Variants in DPH6 observed in about 807,000 individuals in gnomAD.
DPH6 encodes diphthine--ammonia ligase.
In DPH6, 33 loss-of-function variants were observed where a neutral mutation model predicts 38.2. That is an observed-to-expected ratio of 0.86 (90% CI 0.65 to 1.15). The LOEUF is 1.15. Ranked by LOEUF, DPH6 falls within the 50% of genes most tolerant of loss-of-function variation. The pLI is 0.00. For synonymous variants in DPH6, 108 were observed against 103.0 expected (o/e 1.05, Z -0.30); for missense variants, 325 against 320.0 (o/e 1.02, Z -0.12).
At chr15:35,280,806 A>G (rs2051893749) in intron 3 of DPH6, among the ~76,000 whole-genome samples, 1 of 152,212 alleles carries the variant, frequency 6.6e-6, no homozygotes, top group African/African-American at 2.4e-5. Flanking sequence ...TTCTCATAAC[A>G]AAGAATCAGT....
chr15:35,218,534 A>G (rs989010214), exon 4 of DPH6: 1 of 152,208 alleles, frequency 6.6e-6, no homozygotes, highest in Non-Finnish European at 1.5e-5. Context: ...GAACCTAATC[A>G]ATTAATACTC....
chr15:35,463,005 C>T (rs1041078024), intron 3 of DPH6, among the ~76,000 whole-genome samples: 2 of 152,008 alleles, frequency 1.3e-5, no homozygotes, highest in Admixed American at 1.3e-4. Flanking sequence ...TGAATTAACA[C>T]ACCAGTAGTA....
chr15:35,203,697 T>G, the DPH6 span, among the ~76,000 whole-genome samples: 2 of 151,738 alleles, frequency 1.3e-5, no homozygotes, highest in African/African-American at 4.8e-5. Context: ...GCTATTAAAT[T>G]TATGATTAAA....
chr15:35,339,086 G>T (rs899837158), intron 3 of DPH6, among the ~76,000 whole-genome samples: 7 of 151,816 alleles, frequency 4.6e-5, no homozygotes, highest in African/African-American at 1.7e-4. Flanking sequence ...TAATGTAAAT[G>T]ACGAGTTAAT....
chr15:35,365,330 T>A (rs1283121612), intron 3 of DPH6, among the ~76,000 whole-genome samples: 1 of 152,134 alleles, frequency 6.6e-6, no homozygotes, highest in African/African-American at 2.4e-5. Context: ...AAAGCAATAT[T>A]TTTTAACTGT....
intron 3 of DPH6, among the ~76,000 whole-genome samples, chr15:35,350,996 T>A (rs2052505816): frequency 6.6e-6 from 1 of 152,190 alleles, no homozygotes; most frequent in South Asian, 2.1e-4. Flanking sequence ...CTCTGGCTGA[T>A]CTATACGTTA....
intron 3 of DPH6, among the ~76,000 whole-genome samples, chr15:35,523,432 C>T (rs1476681657): frequency 6.6e-6 from 1 of 151,726 alleles, no homozygotes; most frequent in Non-Finnish European, 1.5e-5. Flanking sequence ...ACTGTATGAA[C>T]ATTAAAAGAT....
At chr15:35,151,905 C>T in the DPH6 span, among the ~76,000 whole-genome samples, 2 of 152,176 alleles carry the variant, frequency 1.3e-5, no homozygotes, top group Non-Finnish European at 2.9e-5. Context: ...GTGTGGTGCT[C>T]GGAAGTGCTC....
intron 3 of DPH6, among the ~76,000 whole-genome samples, chr15:35,227,488 T>A (rs915193690): frequency 2.6e-5 from 4 of 151,986 alleles, no homozygotes; most frequent in Non-Finnish European, 5.9e-5. Context: ...TGGCCTAACA[T>A]CTTCTTTTTC....
chr15:35,496,567 A>AAAAATATATATATATATATAT, intron 3 of DPH6, among the ~76,000 whole-genome samples: 8 of 31,010 alleles, frequency 2.6e-4, no homozygotes, highest in Non-Finnish European at 3.7e-4. Flanking sequence ...AAAAAAAAAA[A>AAAAATATATATATATATATAT]ATATATATAT....
the DPH6 span, among the ~76,000 whole-genome samples, chr15:35,200,940 AAAAAG>A: frequency 6.6e-6 from 1 of 150,598 alleles, no homozygotes; most frequent in East Asian, 1.9e-4. Flanking sequence ...AAAATATATA[AAAAAG>A]AAAACTAAAA....
intron 3 of DPH6, among the ~76,000 whole-genome samples, chr15:35,361,441 G>C (rs60135434): frequency 0.022 from 3,332 of 151,728 alleles, 51 homozygotes; most frequent in African/African-American, 0.043. Context: ...TTAGTCCTTT[G>C]ATCTTGAATT....
the DPH6 span, among the ~76,000 whole-genome samples, chr15:35,172,909 C>G: frequency 5.3e-5 from 8 of 152,328 alleles, no homozygotes; most frequent in East Asian, 1.5e-3. Flanking sequence ...CCTGCCTCAG[C>G]CTTCCGAGTA....
Position 35,285,075 on chromosome 15 carries a change from G to A in DPH6, n.201-64493C>T, listed in dbSNP as rs939827406. Among the ~76,000 whole-genome samples, 5 of 151,928 alleles carry A rather than the reference G, an allele frequency of 3.3e-5. No individual in the cohort carries two copies. The East Asian group carries it at 7.7e-4, about 23-fold the overall frequency. ...TCCTCCCACTTTCATCCCTCAAACT[G>A]TTAGGATTACAGGTGTGAGCCACCA... is the stretch of plus-strand genomic sequence containing the variant. On this transcript the variant is annotated intron_variant and non_coding_transcript_variant, in intron 3 of 3. Coordinates refer to the DPH6 transcript ENST00000560386.
rs1345683808 is a variant in DPH6 at position 35,243,039 on chromosome 15, C to T, written n.201-22457G>A. ...TGCTGGCAGGACTATGCTGAACCTCCGTAGGCACTCTCTAATTAGATGTCC... is the reference window on the plus strand; with the variant it reads ...TGCTGGCAGGACTATGCTGAACCTCTGTAGGCACTCTCTAATTAGATGTCC... On this transcript the variant is annotated intron_variant and non_coding_transcript_variant, in intron 3 of 3. Coordinates refer to the DPH6 transcript ENST00000560386. Among the ~76,000 whole-genome samples, 6 of 142,586 alleles carry T rather than the reference C, an allele frequency of 4.2e-5. 1 individual carries two copies. The highest frequency in any genetic ancestry group is 2.3e-4 in the Admixed American group (3 of 13,088). The allele number at this position is 142,586 out of a possible 152,430, so 93.5% of individuals were successfully genotyped here. A position where few individuals can be genotyped will look rare whatever the true frequency, so the allele number is the denominator to read the frequency against.
chr15:35,496,567 A>AAAAAAAAAAAAAAAT, intron 3 of DPH6, among the ~76,000 whole-genome samples: 1 of 31,016 alleles, frequency 3.2e-5, no homozygotes, highest in African/African-American at 1.4e-4. Flanking sequence ...AAAAAAAAAA[A>AAAAAAAAAAAAAAAT]ATATATATAT....
At chr15:35,227,917 T>C (rs1046341964) in intron 3 of DPH6, among the ~76,000 whole-genome samples, 12 of 152,174 alleles carry the variant, frequency 7.9e-5, no homozygotes, top group African/African-American at 2.7e-4. Context: ...TTAATTTTCA[T>C]GTATTTGTAT....
At chr15:35,188,263 C>T in the DPH6 span, among the ~76,000 whole-genome samples, 3 of 152,022 alleles carry the variant, frequency 2.0e-5, no homozygotes, top group East Asian at 5.8e-4. Context: ...CACTAAGAGG[C>T]AAAATGGTGG....
chr15:35,313,727 T>A (rs916673716), intron 3 of DPH6, among the ~76,000 whole-genome samples: 3 of 152,112 alleles, frequency 2.0e-5, no homozygotes, highest in African/African-American at 4.8e-5. Context: ...TTTGGTGGCA[T>A]CTTTAGGTTT....
Sources: allele counts gnomAD v4.1 joint callset (sites outside exome capture counted in the v4.1 genomes callset), GRCh38; gene constraint gnomAD v4.1.1; transcripts MANE v1.5; gene names NCBI Gene and HGNC (gene_info 2026-07-23, HGNC 2026-07-21).